Variants in ALAS1 observed in about 807,000 individuals in gnomAD.
The protein encoded by ALAS1 is 5'-aminolevulinate synthase 1.
Under a neutral mutation model 59.6 loss-of-function variants are expected in ALAS1, and 29 were observed. That is an observed-to-expected ratio of 0.49 (90% CI 0.36 to 0.66). ALAS1 has a LOEUF of 0.66. ALAS1 is among the 30% of genes least tolerant of loss of function. The pLI, the probability that ALAS1 is intolerant of heterozygous loss-of-function variation, is 0.00. For synonymous variants in ALAS1, 299 were observed against 296.6 expected (o/e 1.01, Z -0.08); for missense variants, 690 against 807.5 (o/e 0.85, Z 1.76).
chr3:52,211,100 A>G (rs933762053), intron 9 of ALAS1, among the ~76,000 whole-genome samples, 183 bp from the exon 10 acceptor site: 1 of 152,328 alleles, frequency 6.6e-6, no homozygotes, highest in African/African-American at 2.4e-5. Context: ...GACCACCATC[A>G]TATATGTGGT....
At chr3:52,204,662 C>T in intron 5 of ALAS1, 31 bp from the exon 6 acceptor site, 2 of 1,581,868 alleles carry the variant, frequency 1.3e-6, no homozygotes, top group South Asian at 1.1e-5. Context: ...TCACAACCAC[C>T]ATTCTGTACT....
At chr3:52,198,910 C>G (rs1200735378) in intron 2 of ALAS1, 62 bp downstream of exon 2, 9 of 1,504,598 alleles carry the variant, frequency 6.0e-6, no homozygotes, top group Non-Finnish European at 8.0e-6. Context: ...CCTCCCAAAC[C>G]TGTTCTTGAC....
chr3:52,204,810 C>A lies in ALAS1; in HGVS notation c.695C>A (p.Ala232Glu), dbSNP rs1381064748. 6.2e-7 allele frequency: 1 copy of A among 1,613,970 alleles called. No individual in the cohort carries two copies. Among genetic ancestry groups the A allele is most frequent in the Admixed American group, 1.7e-5 (1 of 60,008 alleles). ...VNRRAHIFPM[A>E]DDYSDSLITK... ...CGGCGAGCACACATCTTCCCCATGG[C>A]AGATGACTATTCAGACTCCCTCATC... Residue 232 changes from alanine to glutamate, a missense_variant, in exon 6 of 12, where the codon GCA becomes GAA. By Grantham distance (107) the Ala-to-Glu change is moderately radical. Coordinates refer to ENST00000484952, the MANE Select transcript of ALAS1 (RefSeq NM_000688.6).
At position 52,211,390 on chromosome 3, in the gene ALAS1, A is replaced by C; in HGVS notation, c.1438A>C (p.Met480Leu). ...CATCTTCACCACCTCTCTGCCACCC[A>C]TGCTGCTGGCTGGAGCCCTGGAGTC... Reference protein sequence around the residue: ...GFIFTTSLPPMLLAGALESVR... With the variant: ...GFIFTTSLPPLLLAGALESVR... Residue 480 changes from methionine to leucine, a missense_variant, in exon 10 of 12, where the codon ATG becomes CTG. Transcript: ENST00000484952. The C allele has an allele frequency of 6.2e-7, 1 of 1,614,180 alleles. No homozygotes were observed. The highest frequency in any genetic ancestry group is 8.5e-7 in the Non-Finnish European group (1 of 1,180,022).
Position 52,198,837 on chromosome 3 carries a change from C to T in ALAS1, c.-44C>T. ...TGCCTGGATGGATGAGTGGCTTCTT[C>T]TCCACCTAGATGTAAGCCAAGATGT... On this transcript the variant is annotated 5_prime_UTR_variant, in exon 2 of 12. Transcript: ENST00000484952. 1 of 1,535,724 alleles carries T rather than the reference C, an allele frequency of 6.5e-7. No homozygotes were observed. Among genetic ancestry groups the T allele is most frequent in the Non-Finnish European group, 8.7e-7 (1 of 1,146,894 alleles).
In ALAS1 at chr3:52,203,908, C is replaced by A; in HGVS notation, c.473C>A (p.Thr158Asn). 1 of 1,612,722 alleles carries A rather than the reference C, an allele frequency of 6.2e-7. No homozygotes were observed. Among genetic ancestry groups the A allele is most frequent in the Non-Finnish European group, 8.5e-7 (1 of 1,179,206 alleles). ...SAGPSVVSVK[T>N]DGGDPSGLLK... Reference sequence around the variant, plus strand: ...GGCCCCAGTGTGGTTAGTGTGAAAACCGATGGAGGGGATCCCAGTGGACTG... The same window carrying A: ...GGCCCCAGTGTGGTTAGTGTGAAAAACGATGGAGGGGATCCCAGTGGACTG... The change falls in exon 5 of 12, where the codon ACC (threonine) becomes AAC (asparagine). Residue 158 changes from threonine to asparagine, a missense_variant. Physicochemically the swap from Thr to Asn is moderately conservative, Grantham distance 65. Transcript: ENST00000484952.
intron 3 of ALAS1, among the ~76,000 whole-genome samples, chr3:52,200,047 C>A (rs1033805742): frequency 6.6e-6 from 1 of 152,190 alleles, no homozygotes; most frequent in Non-Finnish European, 1.5e-5. Context: ...AACTCCTGAC[C>A]TCAAATGATC....
chr3:52,199,173 C>T (rs1160988943), intron 2 of ALAS1, 37 bp from the exon 3 acceptor site: 2 of 1,600,034 alleles, frequency 1.2e-6, no homozygotes, highest in African/African-American at 1.3e-5. Flanking sequence ...TGATATTTGC[C>T]TGATTATTAA....
rs115309848 is a variant in ALAS1, at chr3:52,206,257, A to G, written c.985+234A>G. Among the ~76,000 whole-genome samples the G allele has an allele frequency of 8.4e-3, 1,282 of 152,308 alleles. 26 individuals carry two copies. The highest frequency in any genetic ancestry group is 0.029 in the African/African-American group (1,226 of 41,582). On this transcript the variant is annotated intron_variant, in intron 7 of 11. Transcript: ENST00000484952. Reference sequence around the variant, plus strand: ...TCTCATCCTTGAGCTAATTGCCTCAAATATGTTTTGTATTCTAAGATGATC... The same window carrying G: ...TCTCATCCTTGAGCTAATTGCCTCAGATATGTTTTGTATTCTAAGATGATC...
At chr3:52,206,465 C>A in intron 7 of ALAS1, 107 bp from the exon 8 acceptor site, 2 of 1,280,198 alleles carry the variant, frequency 1.6e-6, no homozygotes, top group Non-Finnish European at 2.2e-6. Flanking sequence ...CTTTTTCCTA[C>A]TAGGCATTTT....
At chr3:52,209,508 G>A (rs1699363222) in intron 9 of ALAS1, among the ~76,000 whole-genome samples, 1 of 152,128 alleles carries the variant, frequency 6.6e-6, no homozygotes, top group African/African-American at 2.4e-5. Context: ...CACCCGGCCA[G>A]AAGCTCTTTT....
chr3:52,208,361 G>A, intron 9 of ALAS1, 114 bp downstream of exon 9: 1 of 1,201,446 alleles, frequency 8.3e-7, no homozygotes. Flanking sequence ...ATGAAGCCTG[G>A]GCCACTCTTT....
intron 11 of ALAS1, among the ~76,000 whole-genome samples, chr3:52,212,962 TCA>T (rs1481354380): frequency 1.3e-5 from 2 of 152,154 alleles, no homozygotes; most frequent in Non-Finnish European, 1.5e-5. Flanking sequence ...GGGAATCCGC[TCA>T]GTGTTTCCAG....
At chr3:52,210,153 G>A (rs1408568004) in intron 9 of ALAS1, among the ~76,000 whole-genome samples, 2 of 152,228 alleles carry the variant, frequency 1.3e-5, no homozygotes, top group Admixed American at 6.5e-5. Context: ...CCTTAGCTGG[G>A]TAAAATTCCA....
At chr3:52,204,961 G>A (rs986134414) in intron 6 of ALAS1, 46 bp downstream of exon 6, 1 of 1,530,844 alleles carries the variant, frequency 6.5e-7, no homozygotes, top group Non-Finnish European at 9.0e-7. Context: ...TATTTGGCAA[G>A]CCAATGATGA....
intron 10 of ALAS1, 45 bp from the exon 11 acceptor site, chr3:52,212,213 A>G: frequency 1.9e-6 from 3 of 1,571,202 alleles, no homozygotes; most frequent in Non-Finnish European, 2.6e-6. Flanking sequence ...GCTAAGAGGT[A>G]GTCCTTCCTG....
intron 9 of ALAS1, among the ~76,000 whole-genome samples, chr3:52,209,179 A>G (rs1029271209): frequency 1.3e-5 from 2 of 152,142 alleles, no homozygotes; most frequent in Non-Finnish European, 2.9e-5. Flanking sequence ...ACACCTGATC[A>G]TGTGTCTTAA....
intron 10 of ALAS1, 95 bp downstream of exon 10, chr3:52,211,646 A>C: frequency 6.5e-7 from 1 of 1,532,442 alleles, no homozygotes; most frequent in Non-Finnish European, 8.9e-7. Flanking sequence ...GTTGGGCTTG[A>C]GCGGGGTGAC....
At chr3:52,203,836 A>G in intron 4 of ALAS1, 27 bp from the exon 5 acceptor site, 1 of 1,557,808 alleles carries the variant, frequency 6.4e-7, no homozygotes, top group South Asian at 1.2e-5. Flanking sequence ...AGTTGGTCCC[A>G]TTTGTTTCTT....
Sources: gnomAD v4.1 joint callset for allele counts (sites outside exome capture counted in the v4.1 genomes callset) on GRCh38, gnomAD v4.1.1 for gene constraint, MANE v1.5 for transcripts, NCBI Gene and HGNC (gene_info 2026-07-23, HGNC 2026-07-21) for gene names.